The following OPCML variants were observed in gnomAD, a reference collection of about 807,000 sequenced individuals.
The protein encoded by OPCML is opioid-binding protein/cell adhesion molecule.
OPCML carries 13 observed loss-of-function variants against 37.8 expected under a neutral mutation model. The ratio of observed to expected loss-of-function variants is 0.34; its 90% confidence interval spans 0.22 to 0.55. The LOEUF is 0.55. OPCML is among the 20% of genes least tolerant of loss of function. The pLI is 0.91. For missense variants in OPCML, 341 were observed against 435.6 expected (o/e 0.78, Z 1.93); for synonymous variants, 176 against 168.8 (o/e 1.04, Z -0.33).
chr11:132,831,852 T>C (rs898313115), intron 2 of OPCML, among the ~76,000 whole-genome samples: 1 of 152,162 alleles, frequency 6.6e-6, no homozygotes, highest in African/African-American at 2.4e-5. Context: ...TTTCTTTTTG[T>C]CCTGTCTTAC....
chr11:132,659,006 T>C (rs1380332140), intron 2 of OPCML, among the ~76,000 whole-genome samples: 1 of 152,202 alleles, frequency 6.6e-6, no homozygotes, highest in Admixed American at 6.5e-5. Flanking sequence ...TCAATCTGCA[T>C]ACTTTCTAGG....
chr11:132,714,129 A>G (rs1359542974), intron 2 of OPCML, among the ~76,000 whole-genome samples: 1 of 152,334 alleles, frequency 6.6e-6, no homozygotes, highest in African/African-American at 2.4e-5. Flanking sequence ...CCCTATAAAA[A>G]TGCAAAACAA....
intron 2 of OPCML, among the ~76,000 whole-genome samples, chr11:132,826,370 A>T (rs1478871568): frequency 6.6e-6 from 1 of 152,226 alleles, no homozygotes; most frequent in African/African-American, 2.4e-5. Context: ...AGGGTTTCTT[A>T]TCTTCTGAAC....
intron 1 of OPCML, among the ~76,000 whole-genome samples, chr11:133,307,865 T>G (rs1051632890): frequency 9.2e-5 from 14 of 152,066 alleles, no homozygotes; most frequent in Non-Finnish European, 1.8e-4. Flanking sequence ...TTTTTTTAAA[T>G]TTTACCTCCC....
At chr11:133,056,305 G>A (rs1035422255) in intron 1 of OPCML, among the ~76,000 whole-genome samples, 8 of 152,186 alleles carry the variant, frequency 5.3e-5, no homozygotes, top group African/African-American at 1.9e-4. Flanking sequence ...GAGTGACTGA[G>A]AGGCTCAGTG....
At chr11:133,372,505 T>C (rs1034641871) in intron 1 of OPCML, among the ~76,000 whole-genome samples, 1 of 152,226 alleles carries the variant, frequency 6.6e-6, no homozygotes, top group African/African-American at 2.4e-5. Flanking sequence ...CTTTGAGTTA[T>C]ACCAATATTT....
At chr11:133,033,150 C>T (rs1285747128) in intron 1 of OPCML, among the ~76,000 whole-genome samples, 1 of 152,162 alleles carries the variant, frequency 6.6e-6, no homozygotes, top group Non-Finnish European at 1.5e-5. Context: ...TTCTATTTCT[C>T]CAGTCTGGGT....
intron 1 of OPCML, among the ~76,000 whole-genome samples, chr11:133,013,647 G>T (rs1261130785): frequency 6.6e-6 from 1 of 152,198 alleles, no homozygotes; most frequent in African/African-American, 2.4e-5. Flanking sequence ...TTATTCTACC[G>T]CCTCATAACG....
At chr11:132,537,071 G>A (rs2096342737) in intron 3 of OPCML, among the ~76,000 whole-genome samples, 1 of 152,192 alleles carries the variant, frequency 6.6e-6, no homozygotes, top group Admixed American at 6.5e-5. Context: ...GGTCTTATCA[G>A]TGAGCTCCTC....
rs114135092 is a variant in OPCML at position 132,609,428 on chromosome 11, G to A, written c.379+47659C>T. The stretch of plus-strand genomic sequence containing the variant: ...TCACAAGCTACTCCTGGCAGGTTCC[G>A]GTTAACATTTCCAGCCACAGTTGTT... On this transcript the variant is annotated intron_variant, in intron 3 of 7. Transcript: ENST00000524381. Among the ~76,000 whole-genome samples the A allele has an allele frequency of 8.6e-3, 1,310 of 152,116 alleles. 9 individuals carry two copies. The highest frequency in any genetic ancestry group is 0.018 in the South Asian group (88 of 4,812).
intron 2 of OPCML, among the ~76,000 whole-genome samples, chr11:132,703,592 G>C (rs1206642393): frequency 2.0e-5 from 3 of 152,214 alleles, no homozygotes; most frequent in Admixed American, 1.3e-4. Context: ...GGGTCTACCA[G>C]TAGGCTTGCT....
Position 133,205,815 on chromosome 11 carries a change from G to A in OPCML, c.62-262805C>T, listed in dbSNP as rs890211528. ...CTTATAAAATTAGGAAGAGTAAAGC[G>A]CGGTGTGAATGAGCAAGAGTTTTGG... On this transcript the variant is annotated intron_variant, in intron 1 of 7. Coordinates refer to ENST00000524381, the MANE Select transcript of OPCML (RefSeq NM_001012393.5). The surrounding 1 kb of genome is among the most constrained non-coding windows in gnomAD (Gnocchi z 4.8). Among the ~76,000 whole-genome samples the A allele has an allele frequency of 1.1e-4, 16 of 152,174 alleles. No homozygotes were observed. Among genetic ancestry groups the A allele is most frequent in the South Asian group, 4.1e-4 (2 of 4,824 alleles).
intron 1 of OPCML, among the ~76,000 whole-genome samples, chr11:133,325,371 A>G (rs571226548): frequency 2.0e-5 from 3 of 152,346 alleles, no homozygotes; most frequent in Admixed American, 1.3e-4. Flanking sequence ...TCAAACACCT[A>G]CAAAATTACT....
At chr11:132,839,581 G>T (rs953794374) in intron 2 of OPCML, among the ~76,000 whole-genome samples, 1 of 152,096 alleles carries the variant, frequency 6.6e-6, no homozygotes, top group African/African-American at 2.4e-5. Flanking sequence ...TGAGGACAAG[G>T]CTGGAGAGGA....
intron 2 of OPCML, among the ~76,000 whole-genome samples, chr11:132,663,461 C>G (rs1942074995): frequency 6.6e-6 from 1 of 152,124 alleles, no homozygotes; most frequent in Non-Finnish European, 1.5e-5. Context: ...GTTTTCATTT[C>G]TATTGTAATT....
intron 1 of OPCML, among the ~76,000 whole-genome samples, chr11:133,321,185 A>G (rs1380490685): frequency 1.3e-5 from 2 of 152,164 alleles, no homozygotes; most frequent in African/African-American, 4.8e-5. Context: ...AACAAAACCC[A>G]TAATGTATTC....
chr11:133,436,735 C>T (rs1044968036), intron 1 of OPCML, among the ~76,000 whole-genome samples: 1 of 152,180 alleles, frequency 6.6e-6, no homozygotes, highest in Non-Finnish European at 1.5e-5. Flanking sequence ...TTGTCAGTTT[C>T]TTCAAGCTGT....
chr11:133,282,446 G>C (rs1470404588), intron 1 of OPCML, among the ~76,000 whole-genome samples: 2 of 152,230 alleles, frequency 1.3e-5, no homozygotes, highest in African/African-American at 4.8e-5. Context: ...CATGAAGGAA[G>C]CCTGGCAGCT....
At chr11:132,715,805 T>C (rs1223807195) in intron 2 of OPCML, among the ~76,000 whole-genome samples, 1 of 152,262 alleles carries the variant, frequency 6.6e-6, no homozygotes, top group African/African-American at 2.4e-5. Flanking sequence ...GCATCCTGAA[T>C]TGACTGAGAC....
Sources: allele counts gnomAD v4.1 joint callset (sites outside exome capture counted in the v4.1 genomes callset), GRCh38; gene constraint gnomAD v4.1.1; non-coding constraint Gnocchi (gnomAD v3.1); transcripts MANE v1.5; gene names NCBI Gene and HGNC (gene_info 2026-07-23, HGNC 2026-07-21).